The following POU1F1 variants were observed in gnomAD, a reference collection of about 807,000 sequenced individuals.
POU1F1 encodes pituitary-specific positive transcription factor 1.
Under a neutral mutation model 32.3 loss-of-function variants are expected in POU1F1, and 23 were observed. That is an observed-to-expected ratio of 0.71 (90% CI 0.51 to 1.01). POU1F1 has a LOEUF of 1.01. Among genes scored for constraint, POU1F1 ranks in the 50% least tolerant of loss-of-function variants. POU1F1 has a pLI of 0.00. For missense variants in POU1F1, 323 were observed against 341.6 expected (o/e 0.95, Z 0.43); for synonymous variants, 120 against 115.6 (o/e 1.04, Z -0.25).
rs535230308 is a variant in POU1F1, at chr3:87,259,892, T to C, written c.*2A>G. The C allele has an allele frequency of 6.2e-7, 1 of 1,611,326 alleles. No individual in the cohort carries two copies. Among genetic ancestry groups the C allele is most frequent in the African/African-American group, 1.3e-5 (1 of 74,922 alleles). On this transcript the variant is annotated 3_prime_UTR_variant, in exon 6 of 6. Transcript: ENST00000350375. The stretch of plus-strand genomic sequence containing the variant: ...AAAAGGCTATTATACAATAGAAAAA[T>C]CTTATCTGCACTCAAGATGTTCCTT...
At chr3:87,269,375 G>T (rs935686983) in intron 2 of POU1F1, among the ~76,000 whole-genome samples, 5 of 151,996 alleles carry the variant, frequency 3.3e-5, no homozygotes, top group Non-Finnish European at 4.4e-5. Flanking sequence ...TACAGAAAAG[G>T]GTTGCCAACC....
chr3:87,267,993 G>C (rs1575980012), intron 2 of POU1F1, among the ~76,000 whole-genome samples: 2 of 150,984 alleles, frequency 1.3e-5, no homozygotes, highest in African/African-American at 2.4e-5. Context: ...TCCATGAAAA[G>C]TACACAGAAA....
At chr3:87,270,276 C>T (rs1446883569) in intron 2 of POU1F1, among the ~76,000 whole-genome samples, 1 of 152,086 alleles carries the variant, frequency 6.6e-6, no homozygotes. Flanking sequence ...GTAGTACCCA[C>T]CACAACGTAG....
chr3:87,266,012 GA>G (rs923375604), intron 2 of POU1F1, among the ~76,000 whole-genome samples: 41 of 150,166 alleles, frequency 2.7e-4, no homozygotes, highest in Admixed American at 8.0e-4. Flanking sequence ...AAACTTACTG[GA>G]AAAAAATGCA....
intron 3 of POU1F1, among the ~76,000 whole-genome samples, chr3:87,263,872 T>G (rs1002530462): frequency 7.2e-5 from 11 of 152,048 alleles, no homozygotes; most frequent in African/African-American, 2.7e-4. Flanking sequence ...CATATATATT[T>G]ACTTATATAT....
In POU1F1 at chr3:87,270,296, G is replaced by C. The variant is rs959018629; in HGVS notation, c.214+3051C>G. Among the ~76,000 whole-genome samples the C allele has an allele frequency of 2.6e-5, 4 of 152,156 alleles. No individual in the cohort carries two copies. The East Asian group carries it at 7.7e-4, about 29-fold the overall frequency. On this transcript the variant is annotated intron_variant, in intron 2 of 5. Coordinates refer to ENST00000350375, the MANE Select transcript of POU1F1 (RefSeq NM_000306.4). The stretch of plus-strand genomic sequence containing the variant: ...ACCCACCACAACGTAGATATGAAGA[G>C]ATTGGAACTCAGAGGTGTTAATCAC...
chr3:87,268,994 C>T (rs1477770699), intron 2 of POU1F1, among the ~76,000 whole-genome samples: 1 of 152,112 alleles, frequency 6.6e-6, no homozygotes, highest in Non-Finnish European at 1.5e-5. Context: ...ACAACATCAT[C>T]TCACGTTACT....
intron 2 of POU1F1, among the ~76,000 whole-genome samples, chr3:87,265,621 C>A (rs1374389748): frequency 1.3e-5 from 2 of 151,470 alleles, no homozygotes; most frequent in African/African-American, 4.9e-5. Flanking sequence ...ATTGATGCAA[C>A]CATGAATTAA....
chr3:87,262,212 C>T lies in POU1F1; in HGVS notation c.463G>A (p.Glu155Lys). 1 of 1,614,108 alleles carries T rather than the reference C, an allele frequency of 6.2e-7. No individual in the cohort carries two copies. The highest frequency in any genetic ancestry group is 8.5e-7 in the Non-Finnish European group (1 of 1,179,972). ...KLGYTQTNVGEALAAVHGSEF... is the reference protein window; with the variant it reads ...KLGYTQTNVGKALAAVHGSEF... Reference sequence around the variant, plus strand: ...GAGCCATGCACAGCTGCCAGGGCCTCCCCAACATTTGTCTGGGTGTATCCT... The same window carrying T: ...GAGCCATGCACAGCTGCCAGGGCCTTCCCAACATTTGTCTGGGTGTATCCT... The change falls in exon 4 of 6, where the codon GAG (glutamate) becomes AAG (lysine). Residue 155 changes from glutamate to lysine, a missense_variant. Glu to Lys is a moderately conservative substitution (Grantham distance 56, BLOSUM62 1). Transcript: ENST00000350375.
chr3:87,276,521 A>G lies in POU1F1; in HGVS notation c.-59T>C. The G allele has an allele frequency of 2.5e-6, 4 of 1,578,774 alleles. No homozygotes were observed. Among genetic ancestry groups the G allele is most frequent in the Non-Finnish European group, 3.5e-6 (4 of 1,157,548 alleles). On this transcript the variant is annotated 5_prime_UTR_variant, in exon 1 of 6. Transcript: ENST00000350375. ...CTGCTCCCCAAATCAGAGTTTTATT[A>G]TATTACTGTCTCAAAGGGCCGATTC... is the stretch of plus-strand genomic sequence containing the variant.
chr3:87,270,245 C>G (rs932890173), intron 2 of POU1F1, among the ~76,000 whole-genome samples: 1 of 152,132 alleles, frequency 6.6e-6, no homozygotes, highest in Non-Finnish European at 1.5e-5. Context: ...AAATTTGCTA[C>G]TACTCAACCC....
intron 2 of POU1F1, among the ~76,000 whole-genome samples, chr3:87,270,510 A>G (rs1706704007): frequency 6.6e-6 from 1 of 152,214 alleles, no homozygotes; most frequent in Non-Finnish European, 1.5e-5. Context: ...ATTTAATGAA[A>G]TGCTCAAACT....
chr3:87,276,197 A>T, intron 1 of POU1F1, 124 bp downstream of exon 1: 1 of 1,274,638 alleles, frequency 7.8e-7, no homozygotes, highest in Non-Finnish European at 1.1e-6. Flanking sequence ...TACTTCACTT[A>T]AGACAAATTA....
chr3:87,275,533 A>G (rs1706810748), intron 1 of POU1F1, among the ~76,000 whole-genome samples: 1 of 152,102 alleles, frequency 6.6e-6, no homozygotes, highest in Non-Finnish European at 1.5e-5. Context: ...AATTTACCCA[A>G]TTCAAGTCTT....
chr3:87,275,433 C>T (rs1435702568), intron 1 of POU1F1, among the ~76,000 whole-genome samples: 1 of 151,904 alleles, frequency 6.6e-6, no homozygotes, highest in Non-Finnish European at 1.5e-5. Flanking sequence ...ACTTTGATTT[C>T]TAAATGTATA....
In POU1F1 at chr3:87,259,896, A is replaced by T. The variant is rs1199728298; in HGVS notation, c.874T>A (p.Ter292LysextTer6). The change falls in exon 6 of 6, where the codon TAA (stop) becomes AAA (lysine). Residue 292 changes from the stop codon to lysine (K), a stop_lost. Transcript: ENST00000350375. ...SISKEHLECR[*>K] ...GGCTATTATACAATAGAAAAATCTT[A>T]TCTGCACTCAAGATGTTCCTTAGAA... The T allele has an allele frequency of 1.2e-6, 2 of 1,612,148 alleles. No individual in the cohort carries two copies. The highest frequency in any genetic ancestry group is 1.3e-5 in the African/African-American group (1 of 74,902).
Position 87,259,740 on chromosome 3 carries a change from TG to T in POU1F1, c.*153del. 1.5e-6 allele frequency: 1 copy of T among 654,886 alleles called. No individual in the cohort carries two copies. Among genetic ancestry groups the T allele is most frequent in the Non-Finnish European group, 2.6e-6 (1 of 385,432 alleles). The allele number at this position is 654,886 out of a possible 1,614,324, so 40.6% of individuals were successfully genotyped here. ...ATAACATCAATATAATTTAAATTGT[TG>T]GTTTCTTTTTTTTAAAAAAAAGTGG... On this transcript the variant is annotated 3_prime_UTR_variant, in exon 6 of 6. Transcript: ENST00000350375.
chr3:87,268,084 C>CTTTTTTTTT (rs11387958), intron 2 of POU1F1, among the ~76,000 whole-genome samples: 2 of 116,470 alleles, frequency 1.7e-5, no homozygotes, highest in Non-Finnish European at 1.7e-5. Context: ...TTCCCTTTCC[C>CTTTTTTTTT]TTTTTTTTTT....
At position 87,260,036 on chromosome 3, in the gene POU1F1, A is replaced by G. The variant is rs1165166324; in HGVS notation, c.734T>C (p.Met245Thr). The G allele has an allele frequency of 3.7e-6, 6 of 1,614,044 alleles. No homozygotes were observed. Among genetic ancestry groups the G allele is most frequent in the Non-Finnish European group, 5.1e-6 (6 of 1,180,004 alleles). The change falls in exon 6 of 6, where the codon ATG (methionine) becomes ACG (threonine). Residue 245 changes from methionine to threonine, a missense_variant. Physicochemically the swap from Met to Thr is moderately conservative, Grantham distance 81 (BLOSUM62 -1). Transcript: ENST00000350375. ...CAGATTCAGTTCTTCAGCCATCCTC[A>G]TGATCTCTTGAGAAGAAGGTTTATT... The part of the protein sequence containing the change: ...EQNKPSSQEI[M>T]RMAEELNLEK...
Sources: gnomAD v4.1 joint callset for allele counts (sites outside exome capture counted in the v4.1 genomes callset) on GRCh38, gnomAD v4.1.1 for gene constraint, MANE v1.5 for transcripts, NCBI Gene and HGNC (gene_info 2026-07-23, HGNC 2026-07-21) for gene names.